The following GALNTL6 variants were observed in gnomAD, a reference collection of about 807,000 sequenced individuals.
The protein encoded by GALNTL6 is polypeptide N-acetylgalactosaminyltransferase-like 6.
GALNTL6 carries 46 observed loss-of-function variants against 73.7 expected under a neutral mutation model. The ratio of observed to expected loss-of-function variants is 0.62; its 90% CI spans 0.49 to 0.80. The LOEUF (loss-of-function observed/expected upper bound fraction) is 0.80, where lower values mean the gene tolerates loss of function less well. Among genes scored for constraint, GALNTL6 ranks in the 30% least tolerant of loss-of-function variants. GALNTL6 has a pLI of 0.00. For missense variants in GALNTL6, 604 were observed against 755.0 expected (o/e 0.80, Z 2.34); for synonymous variants, 259 against 263.7 (o/e 0.98, Z 0.17).
At chr4:172,587,725 A>G (rs1737469016) in intron 5 of GALNTL6, among the ~76,000 whole-genome samples, 1 of 152,142 alleles carries the variant, frequency 6.6e-6, no homozygotes, top group Admixed American at 6.5e-5. Flanking sequence ...GCCTCCTCCC[A>G]GAAGCTTTTT....
chr4:172,703,795 A>G (rs1390405644), intron 5 of GALNTL6, among the ~76,000 whole-genome samples: 1 of 152,066 alleles, frequency 6.6e-6, no homozygotes, highest in Non-Finnish European at 1.5e-5. Flanking sequence ...ACAGTGTGGT[A>G]GAATTCAGCA....
At chr4:172,529,774 C>G (rs1735105785) in intron 5 of GALNTL6, among the ~76,000 whole-genome samples, 1 of 151,964 alleles carries the variant, frequency 6.6e-6, no homozygotes, top group South Asian at 2.1e-4. Context: ...CAATGTCTGC[C>G]TCTTGGGCTC....
Position 172,809,394 on chromosome 4 carries a change from C to T in GALNTL6, c.587C>T (p.Ala196Val). The change falls in exon 6 of 13, where the codon GCC becomes GTC. Residue 196 changes from alanine to valine, a missense_variant. By Grantham distance (64) the Ala-to-Val change is moderately conservative. This residue lies in a region of GALNTL6 where 179 missense variants were observed against 230.8 expected (regional missense o/e 0.78). Coordinates refer to ENST00000506823, the MANE Select transcript of GALNTL6 (RefSeq NM_001034845.3). The surrounding 1 kb of genome is among the most constrained non-coding windows in gnomAD (Gnocchi z 4.4). ...AAGGATAAATTGGAAGAATACATGG[C>T]CCGATTTTCCAAAGTGAGGATTGTT... ...HLKDKLEEYM[A>V]RFSKVRIVRT... The T allele has an allele frequency of 1.2e-6, 2 of 1,613,754 alleles. No individual in the cohort carries two copies. The highest frequency in any genetic ancestry group is 1.7e-6 in the Non-Finnish European group (2 of 1,179,806).
intron 2 of GALNTL6, among the ~76,000 whole-genome samples, chr4:171,829,475 A>T (rs552108048): frequency 3.3e-5 from 5 of 152,222 alleles, no homozygotes; most frequent in African/African-American, 1.2e-4. Context: ...CATCCAATTG[A>T]TCACTATTTC....
At chr4:172,039,497 C>A (rs991436926) in intron 2 of GALNTL6, among the ~76,000 whole-genome samples, 22 of 152,224 alleles carry the variant, frequency 1.4e-4, no homozygotes, top group African/African-American at 4.1e-4. Flanking sequence ...GCAGCTGTCA[C>A]CATGGGGAGA....
At chr4:172,736,496 T>C (rs1477720653) in intron 5 of GALNTL6, among the ~76,000 whole-genome samples, 1 of 152,214 alleles carries the variant, frequency 6.6e-6, no homozygotes, top group African/African-American at 2.4e-5. Flanking sequence ...AGATTTCACA[T>C]TGTTAACACA....
chr4:172,093,704 T>C (rs1732272099), intron 2 of GALNTL6, among the ~76,000 whole-genome samples: 1 of 152,174 alleles, frequency 6.6e-6, no homozygotes, highest in Non-Finnish European at 1.5e-5. Flanking sequence ...AAACCTATCG[T>C]GAACTGCACA....
chr4:172,897,237 G>A (rs1344779802), intron 8 of GALNTL6, among the ~76,000 whole-genome samples: 2 of 152,154 alleles, frequency 1.3e-5, no homozygotes, highest in Non-Finnish European at 2.9e-5. Flanking sequence ...TCTCTGCACA[G>A]ACAGGATAGT....
chr4:172,410,972 A>G (rs1301749723), intron 5 of GALNTL6, among the ~76,000 whole-genome samples: 2 of 152,134 alleles, frequency 1.3e-5, no homozygotes, highest in Non-Finnish European at 2.9e-5. Flanking sequence ...TTTTCACTTT[A>G]GGCAAAACAA....
intron 2 of GALNTL6, among the ~76,000 whole-genome samples, chr4:172,048,488 G>A (rs1048595222): frequency 7.2e-5 from 11 of 152,006 alleles, no homozygotes; most frequent in Non-Finnish European, 1.5e-4. Context: ...ACCACAGAAG[G>A]CTGTAATCAT....
intron 2 of GALNTL6, among the ~76,000 whole-genome samples, chr4:171,824,088 T>TATATATATAC (rs1257693762): frequency 2.5e-5 from 2 of 81,426 alleles, no homozygotes; most frequent in East Asian, 9.3e-4. Context: ...TATATATATA[T>TATATATATAC]ATATATATAT....
intron 5 of GALNTL6, among the ~76,000 whole-genome samples, chr4:172,550,126 A>G (rs1735904056): frequency 6.6e-6 from 1 of 152,156 alleles, no homozygotes; most frequent in African/African-American, 2.4e-5. Context: ...TTTTTCTCAT[A>G]TATACATATA....
intron 2 of GALNTL6, among the ~76,000 whole-genome samples, chr4:171,956,531 C>G (rs1242846932): frequency 6.6e-6 from 1 of 152,136 alleles, no homozygotes; most frequent in Non-Finnish European, 1.5e-5. Context: ...TTTAGCAAAA[C>G]TCATTTTTGG....
intron 7 of GALNTL6, among the ~76,000 whole-genome samples, chr4:172,839,614 A>G (rs546011393): frequency 4.6e-5 from 7 of 152,200 alleles, no homozygotes; most frequent in Non-Finnish European, 8.8e-5. Flanking sequence ...GGTCTGATAG[A>G]TTTAATCATT....
At chr4:172,513,588 G>A (rs1579141393) in intron 5 of GALNTL6, among the ~76,000 whole-genome samples, 1 of 152,172 alleles carries the variant, frequency 6.6e-6, no homozygotes, top group South Asian at 2.1e-4. Context: ...CTGCTCTTCA[G>A]ATTCTTTTGT....
intron 2 of GALNTL6, among the ~76,000 whole-genome samples, chr4:172,013,650 A>T (rs917926856): frequency 6.6e-6 from 1 of 152,080 alleles, no homozygotes; most frequent in African/African-American, 2.4e-5. Context: ...TGTAATGATC[A>T]CATCAGGGTA....
chr4:172,622,571 T>A (rs1014938900), intron 5 of GALNTL6, among the ~76,000 whole-genome samples: 7 of 152,210 alleles, frequency 4.6e-5, no homozygotes, highest in Non-Finnish European at 1.0e-4. Flanking sequence ...CTCCAAGTTC[T>A]CAGCAATTTC....
chr4:172,410,809 T>C (rs1744404287), intron 5 of GALNTL6, among the ~76,000 whole-genome samples: 1 of 152,126 alleles, frequency 6.6e-6, no homozygotes, highest in Non-Finnish European at 1.5e-5. Flanking sequence ...CTCACTTTAT[T>C]TTCTGGGTTG....
chr4:171,894,820 G>C (rs1736864526), intron 2 of GALNTL6, among the ~76,000 whole-genome samples: 1 of 152,034 alleles, frequency 6.6e-6, no homozygotes, highest in Non-Finnish European at 1.5e-5. Flanking sequence ...GCTTATTTGA[G>C]ACATGTCTGG....
Sources: gnomAD v4.1 joint callset for allele counts (sites outside exome capture counted in the v4.1 genomes callset) on GRCh38, gnomAD v4.1.1 for gene constraint, gnomAD v4.1.1 regional missense constraint, Gnocchi (gnomAD v3.1) non-coding constraint, MANE v1.5 for transcripts, NCBI Gene and HGNC (gene_info 2026-07-23, HGNC 2026-07-21) for gene names.